Variants in GPR173 observed in about 807,000 individuals in gnomAD.
GPR173 encodes the protein G protein-coupled receptor 173, also known as probable G protein-coupled receptor 173.
A neutral mutation model predicts 13.9 loss-of-function variants in GPR173; 2 were observed. The observed-to-expected ratio is 0.14, with a 90% confidence interval of 0.06 to 0.45. GPR173 has a LOEUF of 0.45. Among genes scored for constraint, GPR173 ranks in the 20% least tolerant of loss-of-function variants. GPR173 has a pLI of 0.98. For missense variants in GPR173, 202 were observed against 340.5 expected (o/e 0.59, Z 3.20); for synonymous variants, 131 against 141.0 (o/e 0.93, Z 0.50).
At position 53,078,016 on chromosome X, in the gene GPR173, C is replaced by CTG. The variant is rs1281481390; in HGVS notation, c.*275_*276dup. ...AATCTCATTCTCTCTCTCTCTCTCT[C>CTG]TGTCTCTCTCTCTCTCTCTCTCTCT... On this transcript the variant is annotated 3_prime_UTR_variant, in exon 2 of 2. Coordinates refer to ENST00000332582, the MANE Select transcript of GPR173 (RefSeq NM_018969.6). The CTG allele has an allele frequency of 1.4e-5, 4 of 292,511 alleles. No individual in the cohort carries two copies. Among genetic ancestry groups the CTG allele is most frequent in the Non-Finnish European group, 2.4e-5 (4 of 167,768 alleles). 24.1% of individuals were successfully genotyped at this position (292,511 alleles called of 1,213,427 possible). A position where few individuals can be genotyped will look rare whatever the true frequency, so the allele number is the denominator to read the frequency against.
intron 1 of GPR173, among the ~76,000 whole-genome samples, chrX:53,064,036 C>T (rs950918096): frequency 9.0e-6 from 1 of 111,484 alleles, no homozygotes; most frequent in Non-Finnish European, 1.9e-5. Flanking sequence ...TAGGCTCTCC[C>T]TATAGCACTT....
Position 53,080,522 on chromosome X carries a change from C to A in GPR173, c.*2779C>A, listed in dbSNP as rs1367301800. ...ATTTAACGTACGTCCTTCCAATCCA[C>A]CGTTCATGTGTTTATTTACATATAT... On this transcript the variant is annotated 3_prime_UTR_variant, in exon 2 of 2. Transcript: ENST00000332582. 8.2e-6 allele frequency: 1 copy of A among 122,519 alleles called. No homozygotes were observed. Among genetic ancestry groups the A allele is most frequent in the Admixed American group, 9.6e-5 (1 of 10,470 alleles). 10.1% of individuals were successfully genotyped at this position (122,519 alleles called of 1,213,427 possible). A position where few individuals can be genotyped will look rare whatever the true frequency, so the allele number is the denominator to read the frequency against.
intron 1 of GPR173, among the ~76,000 whole-genome samples, chrX:53,049,926 T>G (rs1331515747): frequency 9.8e-6 from 1 of 102,477 alleles, no homozygotes; most frequent in Admixed American, 1.0e-4. Flanking sequence ...ATCCCTGGCC[T>G]GCTGGCCGGG....
rs782390147 is a variant in GPR173 at position 53,079,234 on chromosome X, A to T, written c.*1491A>T. 1 of 120,450 alleles carries T rather than the reference A, an allele frequency of 8.3e-6. No homozygotes were observed. Among genetic ancestry groups the T allele is most frequent in the South Asian group, 4.0e-4 (1 of 2,502 alleles). 9.9% of individuals were successfully genotyped at this position (120,450 alleles called of 1,213,427 possible). A position where few individuals can be genotyped will look rare whatever the true frequency, so the allele number is the denominator to read the frequency against. On this transcript the variant is annotated 3_prime_UTR_variant, in exon 2 of 2. Coordinates refer to ENST00000332582, the MANE Select transcript of GPR173 (RefSeq NM_018969.6). ...TTCTTTATAGAAGTCCCTGTCCTAA[A>T]CTCCCTCCCTAGCCCAAGAGAGCCC...
At chrX:53,051,657 G>A (rs951126316) in intron 1 of GPR173, among the ~76,000 whole-genome samples, 2 of 111,171 alleles carry the variant, frequency 1.8e-5, no homozygotes, top group African/African-American at 6.6e-5. Flanking sequence ...CCTGAGTGTG[G>A]GTGTGTTTTC....
chrX:53,049,975 T>TGTGTGTGCGC (rs782276225), intron 1 of GPR173, among the ~76,000 whole-genome samples: 12 of 104,879 alleles, frequency 1.1e-4, no homozygotes, highest in African/African-American at 3.6e-4. Context: ...TGTGTGTGTG[T>TGTGTGTGCGC]GCACCTGGGT....
At chrX:53,064,895 T>C in intron 1 of GPR173, among the ~76,000 whole-genome samples, 1 of 112,016 alleles carries the variant, frequency 8.9e-6, no homozygotes, top group Non-Finnish European at 1.9e-5. Flanking sequence ...GGATTAAGTT[T>C]TTAACACATG....
At chrX:53,065,313 A>G (rs1463640921) in intron 1 of GPR173, 1 of 112,040 alleles carries the variant, frequency 8.9e-6, no homozygotes, top group African/African-American at 3.2e-5. Flanking sequence ...GCTTGAATGT[A>G]TGAAATGTAG....
chrX:53,059,204 G>A (rs954023472), intron 1 of GPR173, among the ~76,000 whole-genome samples: 20 of 107,051 alleles, frequency 1.9e-4, no homozygotes, highest in Admixed American at 8.0e-4. Context: ...AGCTGAGATC[G>A]CGCAACTGCA....
intron 1 of GPR173, among the ~76,000 whole-genome samples, chrX:53,073,852 A>G (rs868909057): frequency 0.024 from 1,339 of 55,593 alleles, 27 homozygotes; most frequent in Non-Finnish European, 0.036. Context: ...TTTTATATAT[A>G]TAAATTTATA....
intron 1 of GPR173, among the ~76,000 whole-genome samples, chrX:53,066,883 GA>G (rs1182751334): frequency 1.8e-5 from 2 of 111,332 alleles, no homozygotes; most frequent in Non-Finnish European, 3.8e-5. Flanking sequence ...ATTTACTGTG[GA>G]AATGAGACCT....
intron 1 of GPR173, among the ~76,000 whole-genome samples, chrX:53,072,325 C>T (rs782318149): frequency 1.9e-5 from 2 of 107,500 alleles, no homozygotes; most frequent in African/African-American, 3.4e-5. Flanking sequence ...CACCCCACCC[C>T]GTCTCTATTT....
At chrX:53,052,602 CGTGTGTGTGT>C (rs781878545) in intron 1 of GPR173, among the ~76,000 whole-genome samples, 1 of 100,494 alleles carries the variant, frequency 1.0e-5, no homozygotes, top group Non-Finnish European at 2.0e-5. Flanking sequence ...CACACACACA[CGTGTGTGTGT>C]GTGTGTGTGT....
chrX:53,072,752 A>T (rs7883255), intron 1 of GPR173, among the ~76,000 whole-genome samples: 33,332 of 110,167 alleles, frequency 0.3, 5,007 homozygotes, highest in African/African-American at 0.59. Flanking sequence ...AAAGAGAGTA[A>T]GTGTGTGTGT....
intron 1 of GPR173, chrX:53,065,319 T>C (rs969752669): frequency 8.9e-6 from 1 of 111,963 alleles, no homozygotes; most frequent in African/African-American, 3.2e-5. Flanking sequence ...ATGTATGAAA[T>C]GTAGCTGCAT....
At chrX:53,050,245 T>G (rs980178553) in intron 1 of GPR173, among the ~76,000 whole-genome samples, 3 of 110,901 alleles carry the variant, frequency 2.7e-5, no homozygotes, top group Non-Finnish European at 5.7e-5. Flanking sequence ...GATGGTTCTG[T>G]GGGGGCAAAG....
chrX:53,065,303 G>A (rs1187973148), intron 1 of GPR173: 4 of 111,968 alleles, frequency 3.6e-5, no homozygotes, highest in African/African-American at 1.3e-4. Flanking sequence ...TCAGTAATTA[G>A]CTTGAATGTA....
chrX:53,068,116 A>G (rs1380273717), intron 1 of GPR173, among the ~76,000 whole-genome samples: 2 of 111,704 alleles, frequency 1.8e-5, no homozygotes, highest in Admixed American at 9.6e-5. Flanking sequence ...ATGAAATGAT[A>G]TAACAGATAT....
At chrX:53,064,746 A>C (rs782644113) in intron 1 of GPR173, among the ~76,000 whole-genome samples, 1 of 110,987 alleles carries the variant, frequency 9.0e-6, no homozygotes, top group Non-Finnish European at 1.9e-5. Flanking sequence ...AGTGGGTAGA[A>C]CTCATCCTTT....
Sources: gnomAD v4.1 joint callset for allele counts (sites outside exome capture counted in the v4.1 genomes callset) on GRCh38, gnomAD v4.1.1 for gene constraint, MANE v1.5 for transcripts, NCBI Gene and HGNC (gene_info 2026-07-23, HGNC 2026-07-21) for gene names.